Variants in GALNT9 observed in about 807,000 individuals in gnomAD.
GALNT9 encodes polypeptide N-acetylgalactosaminyltransferase 9, also known as GalNAc transferase 9.
Under a neutral mutation model 63.1 loss-of-function variants are expected in GALNT9, and 47 were observed. The observed-to-expected ratio is 0.75, with a 90% CI of 0.59 to 0.95. The LOEUF (loss-of-function observed/expected upper bound fraction) is 0.95, where lower values mean the gene tolerates loss of function less well. Among genes scored for constraint, GALNT9 ranks in the 40% least tolerant of loss-of-function variants. The pLI, the probability that GALNT9 is intolerant of heterozygous loss-of-function variation, is 0.00. For missense variants in GALNT9, 829 were observed against 874.8 expected, an observed-to-expected ratio of 0.95 and a Z score of 0.66; for synonymous variants, 396 against 365.7, an observed-to-expected ratio of 1.08 and a Z score of -0.94.
In GALNT9 at chr12:132,196,585, G is replaced by A. The variant is rs184026614; in HGVS notation, c.*522C>T. On this transcript the variant is annotated 3_prime_UTR_variant, in exon 11 of 11. Coordinates refer to ENST00000328957, the MANE Select transcript of GALNT9 (RefSeq NM_001122636.2). Reference sequence around the variant, plus strand: ...TCCTAGACACGGCCTCAGGTTTGTCGCTGTCCATGTCCTCCAGCACCCCTC... The same window carrying A: ...TCCTAGACACGGCCTCAGGTTTGTCACTGTCCATGTCCTCCAGCACCCCTC... 35 of 986,766 alleles carry A rather than the reference G, an allele frequency of 3.5e-5. No homozygotes were observed. The highest frequency in any genetic ancestry group is 1.2e-4 in the Admixed American group (2 of 16,426). The allele number at this position is 986,766 out of a possible 1,614,324, so 61.1% of individuals were successfully genotyped here.
At chr12:132,290,698 A>T (rs1469199280) in intron 1 of GALNT9, among the ~76,000 whole-genome samples, 1 of 108,084 alleles carries the variant, frequency 9.3e-6, no homozygotes, top group Non-Finnish European at 1.8e-5. Flanking sequence ...GCCCACAACC[A>T]CAGCACCCAC....
At chr12:132,318,967 G>A (rs1046755619) in intron 1 of GALNT9, among the ~76,000 whole-genome samples, 2 of 152,206 alleles carry the variant, frequency 1.3e-5, no homozygotes, top group African/African-American at 2.4e-5. Context: ...CGCCTTTCAG[G>A]GCCCTGCTCA....
chr12:132,290,211 T>C (rs1371040114), intron 1 of GALNT9, among the ~76,000 whole-genome samples: 1 of 152,118 alleles, frequency 6.6e-6, no homozygotes, highest in Admixed American at 6.5e-5. Context: ...GTTCCCAGCC[T>C]GGACCTTGCA....
chr12:132,198,581 C>T (rs1375780828), intron 9 of GALNT9, among the ~76,000 whole-genome samples: 1 of 152,178 alleles, frequency 6.6e-6, no homozygotes, highest in Admixed American at 6.5e-5. Flanking sequence ...CAGTCCTGAG[C>T]GGTAAGTGCT....
rs1184998760 is a variant in GALNT9, at chr12:132,296,893, ACCAACTCACTCCCAAGATAC to A, written c.239-10483_239-10464del. The stretch of plus-strand genomic sequence containing the variant: ...CCATCAGGAGCCCACTCCCACACAA[ACCAACTCACTCCCAAGATAC>A]CCAACTCACTCCTGAAATAACAAAG... On this transcript the variant is annotated intron_variant, in intron 1 of 10. Coordinates refer to ENST00000328957, the MANE Select transcript of GALNT9 (RefSeq NM_001122636.2). This position sits in a 1 kb window ranked among gnomAD's most constrained non-coding sequence, Gnocchi z 4.2. Among the ~76,000 whole-genome samples, 24 of 152,000 alleles carry A rather than the reference ACCAACTCACTCCCAAGATAC, an allele frequency of 1.6e-4. No homozygotes were observed. Among genetic ancestry groups the A allele is most frequent in the African/African-American group, 5.6e-4 (23 of 41,376 alleles).
chr12:132,240,731 G>C (rs1256833598), intron 6 of GALNT9: 3 of 455,802 alleles, frequency 6.6e-6, no homozygotes, highest in Non-Finnish European at 8.8e-6. Context: ...TCTGTTTCCT[G>C]GGAAGTTACC....
intron 2 of GALNT9, among the ~76,000 whole-genome samples, chr12:132,264,459 G>T (rs1429680981): frequency 6.6e-6 from 1 of 152,256 alleles, no homozygotes; most frequent in Non-Finnish European, 1.5e-5. Context: ...TTGGTCGGGG[G>T]TCAAAACTTG....
Position 132,247,742 on chromosome 12 carries a change from C to T in GALNT9, c.1077+168G>A, listed in dbSNP as rs1555238151. The T allele has an allele frequency of 2.6e-6, 3 of 1,140,896 alleles. No individual in the cohort carries two copies. In the Admixed American group the frequency reaches 6.4e-5, roughly 24 times the overall value. 70.7% of individuals were successfully genotyped at this position (1,140,896 alleles called of 1,614,324 possible). A position where few individuals can be genotyped will look rare whatever the true frequency, so the allele number is the denominator to read the frequency against. On this transcript the variant is annotated intron_variant, in intron 6 of 10. Coordinates refer to ENST00000328957, the MANE Select transcript of GALNT9 (RefSeq NM_001122636.2). ...CGGCCTCACTCGCCCTCACCCCGTCCCCAGATGCCGTGGCCGCACTCGCCC... is the reference window on the plus strand; with the variant it reads ...CGGCCTCACTCGCCCTCACCCCGTCTCCAGATGCCGTGGCCGCACTCGCCC...
At position 132,296,675 on chromosome 12, in the gene GALNT9, C is replaced by T. The variant is rs1430597016; in HGVS notation, c.239-10245G>A. 6.6e-6 allele frequency among the ~76,000 whole-genome samples: 1 copy of T among 152,144 alleles called. No homozygotes were observed. Among genetic ancestry groups the T allele is most frequent in the East Asian group, 1.9e-4 (1 of 5,196 alleles). The stretch of plus-strand genomic sequence containing the variant: ...TGGTGACAGCTGACCTGTCACACAC[C>T]AACTTTCAGCACCATTCCTCAAATG... On this transcript the variant is annotated intron_variant, in intron 1 of 10. Coordinates refer to ENST00000328957, the MANE Select transcript of GALNT9 (RefSeq NM_001122636.2). This position sits in a 1 kb window ranked among gnomAD's most constrained non-coding sequence, Gnocchi z 4.2.
At chr12:132,221,494 C>T (rs955138601) in intron 6 of GALNT9, among the ~76,000 whole-genome samples, 20 of 150,190 alleles carry the variant, frequency 1.3e-4, no homozygotes, top group African/African-American at 4.9e-4. Flanking sequence ...CCCATCTCTA[C>T]TAAAAATACA....
chr12:132,321,880 C>T (rs902896000), intron 1 of GALNT9, among the ~76,000 whole-genome samples: 2 of 152,092 alleles, frequency 1.3e-5, no homozygotes, highest in Non-Finnish European at 2.9e-5. Context: ...ATGTCAGGCG[C>T]GCAGGGCCAC....
At position 132,303,418 on chromosome 12, in the gene GALNT9, C is replaced by A. The variant is rs1555244080; in HGVS notation, c.239-16988G>T. 6.8e-3 allele frequency among the ~76,000 whole-genome samples: 1,008 copies of A among 147,660 alleles called. 41 individuals carry two copies. The highest frequency in any genetic ancestry group is 0.017 in the Admixed American group (253 of 14,618). On this transcript the variant is annotated intron_variant, in intron 1 of 10. Transcript: ENST00000328957. The stretch of plus-strand genomic sequence containing the variant: ...TCGCCCGGGCACACCCTCACCCGGG[C>A]ACAGCCTCGCCCGGGCACACCCTCG...
intron 3 of GALNT9, 144 bp downstream of exon 3, chr12:132,262,315 G>T: frequency 2.7e-5 from 30 of 1,129,086 alleles, no homozygotes; most frequent in Non-Finnish European, 3.5e-5. Context: ...AAGGCAGGAG[G>T]GACCCCCATA....
Position 132,316,703 on chromosome 12 carries a change from C to G in GALNT9, c.238+12263G>C, listed in dbSNP as rs1374972505. On this transcript the variant is annotated intron_variant, in intron 1 of 10. Transcript: ENST00000328957. This position sits in a 1 kb window ranked among gnomAD's most constrained non-coding sequence, Gnocchi z 4.3. ...GCCACCCTTTCAGATCCGACAGGGA[C>G]GCCCACCCCAGCCCACTCCCTCTGC... Among the ~76,000 whole-genome samples the G allele has an allele frequency of 6.6e-6, 1 of 152,022 alleles. No homozygotes were observed. Among genetic ancestry groups the G allele is most frequent in the Non-Finnish European group, 1.5e-5 (1 of 67,966 alleles).
rs552428755 is a variant in GALNT9 at position 132,292,330 on chromosome 12, C to G, written c.239-5900G>C. Among the ~76,000 whole-genome samples the G allele has an allele frequency of 3.6e-3, 552 of 152,294 alleles. 2 individuals are homozygous for G. Among genetic ancestry groups the G allele is most frequent in the African/African-American group, 0.013 (522 of 41,572 alleles). On this transcript the variant is annotated intron_variant, in intron 1 of 10. Coordinates refer to ENST00000328957, the MANE Select transcript of GALNT9 (RefSeq NM_001122636.2). ...GGTGGGTGAATGGATCCCTTCCAAGCGGGTGCCAGGGCACTGCCTCCCCCC... is the reference window on the plus strand; with the variant it reads ...GGTGGGTGAATGGATCCCTTCCAAGGGGGTGCCAGGGCACTGCCTCCCCCC...
In GALNT9 at chr12:132,202,297, T is replaced by C. The variant is rs549919347; in HGVS notation, c.1264-1036A>G. On this transcript the variant is annotated intron_variant, in intron 7 of 10. Coordinates refer to ENST00000328957, the MANE Select transcript of GALNT9 (RefSeq NM_001122636.2). Reference sequence around the variant, plus strand: ...AGGTCATCACCCTGCACGTTTTCCTTATCACTTCATGGAAAACAAGGCTGT... The same window carrying C: ...AGGTCATCACCCTGCACGTTTTCCTCATCACTTCATGGAAAACAAGGCTGT... 3.9e-5 allele frequency among the ~76,000 whole-genome samples: 6 copies of C among 152,308 alleles called. No homozygotes were observed. In the South Asian group the frequency reaches 1.2e-3, roughly 32 times the overall value.
rs536060212 is a variant in GALNT9, at chr12:132,299,154, C to A, written c.239-12724G>T. ...CACTCCCACCACACCTAACCCACCC[C>A]CAACACACCTAACCCACCCCTGAGA... On this transcript the variant is annotated intron_variant, in intron 1 of 10. Transcript: ENST00000328957. 4.1e-3 allele frequency among the ~76,000 whole-genome samples: 418 copies of A among 103,208 alleles called. 11 individuals are homozygous for A. Among genetic ancestry groups the A allele is most frequent in the Non-Finnish European group, 5.6e-3 (276 of 49,622 alleles). The allele number at this position is 103,208 out of a possible 152,430, so 67.7% of individuals were successfully genotyped here. A position where few individuals can be genotyped will look rare whatever the true frequency, so the allele number is the denominator to read the frequency against.
At chr12:132,206,867 C>T (rs567191902) in intron 6 of GALNT9, among the ~76,000 whole-genome samples, 75 of 152,190 alleles carry the variant, frequency 4.9e-4, no homozygotes, top group African/African-American at 1.6e-3. Flanking sequence ...AAAAAACCAG[C>T]GAGCCTGGGC....
At chr12:132,226,908 A>C (rs1877716406) in intron 6 of GALNT9, among the ~76,000 whole-genome samples, 1 of 143,788 alleles carries the variant, frequency 7.0e-6, no homozygotes. Flanking sequence ...CGCCCCACAC[A>C]CACCATATAC....
Sources: gnomAD v4.1 joint callset for allele counts (sites outside exome capture counted in the v4.1 genomes callset) on GRCh38, gnomAD v4.1.1 for gene constraint, Gnocchi (gnomAD v3.1) non-coding constraint, MANE v1.5 for transcripts, NCBI Gene and HGNC (gene_info 2026-07-23, HGNC 2026-07-21) for gene names.